The following LGR5 variants were observed in gnomAD, a reference collection of about 807,000 sequenced individuals.
The protein encoded by LGR5 is leucine-rich repeat-containing G protein-coupled receptor 5.
A neutral mutation model predicts 76.7 loss-of-function variants in LGR5; 54 were observed. The observed-to-expected ratio is 0.70, with a 90% CI of 0.57 to 0.88. The LOEUF is 0.88. LGR5 is among the 40% of genes least tolerant of loss of function. The probability of loss-of-function intolerance (pLI) is 0.00; values close to 1 mark genes in which losing one functional copy is unlikely to be tolerated. For synonymous variants in LGR5, 406 were observed against 421.9 expected, an observed-to-expected ratio of 0.96 and a Z score of 0.46; for missense variants, 1,078 against 1,073.3, an observed-to-expected ratio of 1.00 and a Z score of -0.06.
chr12:71,518,750 C>T (rs974506622), intron 2 of LGR5, among the ~76,000 whole-genome samples: 3 of 152,054 alleles, frequency 2.0e-5, no homozygotes, highest in South Asian at 2.1e-4. Context: ...GAACAGAAAA[C>T]CAGGTACCAC....
chr12:71,475,922 C>T (rs879682896), intron 1 of LGR5, among the ~76,000 whole-genome samples: 2 of 152,120 alleles, frequency 1.3e-5, no homozygotes, highest in Non-Finnish European at 2.9e-5. Context: ...TTCTATACAT[C>T]CTTTCCTCCT....
intron 13 of LGR5, among the ~76,000 whole-genome samples, chr12:71,576,155 T>C (rs1398822705): frequency 6.6e-6 from 1 of 152,170 alleles, no homozygotes; most frequent in African/African-American, 2.4e-5. Flanking sequence ...ACCTAGGTGA[T>C]GGGTTGATAG....
At chr12:71,543,352 A>G (rs1051627744) in intron 4 of LGR5, among the ~76,000 whole-genome samples, 1 of 152,138 alleles carries the variant, frequency 6.6e-6, no homozygotes, top group South Asian at 2.1e-4. Flanking sequence ...TAGTTTTCCC[A>G]TTGTCTCAAC....
intron 6 of LGR5, 107 bp from the exon 7 acceptor site, chr12:71,559,478 TC>T (rs1256460173): frequency 4.9e-6 from 3 of 616,698 alleles, no homozygotes; most frequent in Non-Finnish European, 8.7e-6. Context: ...AGTGAGAACT[TC>T]CATTAGTCAT....
chr12:71,508,236 CA>C (rs990645721), intron 2 of LGR5, among the ~76,000 whole-genome samples: 9 of 151,574 alleles, frequency 5.9e-5, no homozygotes, highest in African/African-American at 1.9e-4. Flanking sequence ...CAAAAACAAA[CA>C]AAAAAAATCA....
At chr12:71,442,438 C>T (rs1871808717) in intron 1 of LGR5, among the ~76,000 whole-genome samples, 1 of 152,120 alleles carries the variant, frequency 6.6e-6, no homozygotes, top group African/African-American at 2.4e-5. Context: ...TGATGACAGC[C>T]TGTACCCTGG....
intron 4 of LGR5, among the ~76,000 whole-genome samples, chr12:71,545,177 G>A (rs1270012020): frequency 2.0e-5 from 3 of 152,116 alleles, no homozygotes; most frequent in Non-Finnish European, 4.4e-5. Flanking sequence ...CGGGCACAGT[G>A]GCTCACCCCT....
In LGR5 at chr12:71,474,941, T is replaced by C. The variant is rs911625461; in HGVS notation, c.213-29673T>C. Among the ~76,000 whole-genome samples the C allele has an allele frequency of 2.0e-5, 3 of 152,136 alleles. No homozygotes were observed. In the East Asian group the frequency reaches 5.8e-4, roughly 29 times the overall value. ...GGGTGTACAGATGCAGAAGATTCCG[T>C]TGGTGTGCTTTTCAAAGCAAAGACA... is the stretch of plus-strand genomic sequence containing the variant. On this transcript the variant is annotated intron_variant, in intron 1 of 17. Transcript: ENST00000266674.
intron 5 of LGR5, among the ~76,000 whole-genome samples, chr12:71,556,029 A>T (rs537277105): frequency 6.6e-6 from 1 of 152,302 alleles, no homozygotes; most frequent in Non-Finnish European, 1.5e-5. Context: ...TTGCAGGAAC[A>T]TGGATGGAGG....
chr12:71,538,513 C>A (rs2137375446), intron 4 of LGR5, among the ~76,000 whole-genome samples: 1 of 152,082 alleles, frequency 6.6e-6, no homozygotes, highest in African/African-American at 2.4e-5. Flanking sequence ...CATGCATGCA[C>A]TAGTGTTTTC....
chr12:71,553,317 AAC>A lies in LGR5; in HGVS notation c.644+31_644+32del, dbSNP rs752852621. ...AGTTTTATTGATTTTGCTCTCTTTT[AAC>A]AGTTTCTAATGTCACTGGAAGACCT... On this transcript the variant is annotated intron_variant, in intron 5 of 17. Coordinates refer to ENST00000266674, the MANE Select transcript of LGR5 (RefSeq NM_003667.4). 4 of 1,572,218 alleles carry A rather than the reference AAC, an allele frequency of 2.5e-6. No homozygotes were observed. In the East Asian group the frequency reaches 6.7e-5, roughly 26 times the overall value.
chr12:71,522,953 G>C (rs1003192239), intron 2 of LGR5, among the ~76,000 whole-genome samples: 1 of 152,156 alleles, frequency 6.6e-6, no homozygotes, highest in Non-Finnish European at 1.5e-5. Flanking sequence ...AGAGCCTCTT[G>C]GAGAGGTCCT....
chr12:71,463,436 T>C (rs1872749389), intron 1 of LGR5, among the ~76,000 whole-genome samples: 1 of 152,234 alleles, frequency 6.6e-6, no homozygotes, highest in Admixed American at 6.5e-5. Flanking sequence ...TTACTTGATG[T>C]GTGACTTTGA....
chr12:71,479,933 C>A (rs1200808070), intron 1 of LGR5, among the ~76,000 whole-genome samples: 1 of 152,118 alleles, frequency 6.6e-6, no homozygotes, highest in Non-Finnish European at 1.5e-5. Flanking sequence ...TTTAAGAAAG[C>A]ACAGGAATCC....
At chr12:71,541,011 G>A (rs897825331) in intron 4 of LGR5, among the ~76,000 whole-genome samples, 6 of 152,168 alleles carry the variant, frequency 3.9e-5, no homozygotes, top group African/African-American at 1.4e-4. Context: ...TATTAGGTAC[G>A]TATTGGGATG....
intron 12 of LGR5, among the ~76,000 whole-genome samples, chr12:71,572,573 G>A (rs1878663017): frequency 6.6e-6 from 1 of 152,222 alleles, no homozygotes; most frequent in African/African-American, 2.4e-5. Context: ...TCAGAAGGCA[G>A]CACTAGAAGA....
chr12:71,536,364 C>T (rs1295751085), intron 4 of LGR5, among the ~76,000 whole-genome samples: 1 of 152,112 alleles, frequency 6.6e-6, no homozygotes, highest in Non-Finnish European at 1.5e-5. Flanking sequence ...AAAATCTGTG[C>T]TTGAGATCAT....
chr12:71,519,714 T>A (rs543724840), intron 2 of LGR5, among the ~76,000 whole-genome samples: 1 of 152,052 alleles, frequency 6.6e-6, no homozygotes, highest in Admixed American at 6.6e-5. Flanking sequence ...TAGTCCCAGC[T>A]ACTTGTGGGG....
At position 71,481,131 on chromosome 12, in the gene LGR5, G is replaced by A. The variant is rs73140408; in HGVS notation, c.213-23483G>A. ...AAGTTCCAGGATACATGTGCAGAAC[G>A]TGCAGGTTACGTAGGTATACATGTG... On this transcript the variant is annotated intron_variant, in intron 1 of 17. Transcript: ENST00000266674. Among the ~76,000 whole-genome samples, 323 of 152,134 alleles carry A rather than the reference G, an allele frequency of 2.1e-3. 2 individuals carry two copies. The highest frequency in any genetic ancestry group is 3.4e-3 in the Non-Finnish European group (234 of 67,974).
Sources: gnomAD v4.1 joint callset for allele counts (sites outside exome capture counted in the v4.1 genomes callset) on GRCh38, gnomAD v4.1.1 for gene constraint, MANE v1.5 for transcripts, NCBI Gene and HGNC (gene_info 2026-07-23, HGNC 2026-07-21) for gene names.